The following LMF1 variants were observed in gnomAD, a reference collection of about 807,000 sequenced individuals.
The protein encoded by LMF1 is lipase maturation factor 1, also known as transmembrane protein 112.
LMF1 carries 68 observed loss-of-function variants against 60.6 expected under a neutral mutation model. The observed-to-expected ratio is 1.12, with a 90% CI of 0.92 to 1.37. The LOEUF (loss-of-function observed/expected upper bound fraction) is 1.37, where lower values mean the gene tolerates loss of function less well. LMF1 is among the 40% of genes most tolerant of loss of function. The probability of loss-of-function intolerance (pLI) is 0.00; values close to 1 mark genes in which losing one functional copy is unlikely to be tolerated. For missense variants in LMF1, 948 were observed against 767.2 expected, an observed-to-expected ratio of 1.24 and a Z score of -2.78; for synonymous variants, 418 against 324.7, an observed-to-expected ratio of 1.29 and a Z score of -3.09.
At chr16:954,696 G>A (rs1449349193) in intron 1 of LMF1, 30 bp from the exon 2 acceptor site, 2 of 1,552,976 alleles carry the variant, frequency 1.3e-6, no homozygotes, top group South Asian at 1.2e-5. Context: ...AAACAAGCAT[G>A]ACTAGGAACA....
At chr16:924,453 G>A (rs2071535711) in intron 3 of LMF1, among the ~76,000 whole-genome samples, 1 of 152,106 alleles carries the variant, frequency 6.6e-6, no homozygotes, top group African/African-American at 2.4e-5. Flanking sequence ...GGCCACACTG[G>A]CCACAGTGTA....
intron 5 of LMF1, among the ~76,000 whole-genome samples, chr16:880,095 C>T (rs547176737): frequency 2.0e-5 from 3 of 152,346 alleles, no homozygotes; most frequent in Admixed American, 2.0e-4. Flanking sequence ...CTGCTGCCCA[C>T]AGGCGGCCAA....
chr16:958,471 T>C (rs1030142808), intron 1 of LMF1, among the ~76,000 whole-genome samples: 1 of 152,122 alleles, frequency 6.6e-6, no homozygotes, highest in Admixed American at 6.5e-5. Context: ...CATAGGAAGG[T>C]GTACGGATGG....
intron 1 of LMF1, among the ~76,000 whole-genome samples, chr16:978,505 G>A (rs929223939): frequency 3.3e-5 from 5 of 152,262 alleles, no homozygotes; most frequent in African/African-American, 4.8e-5. Context: ...TCTTCTCTGC[G>A]GCTGTCCTTG....
intron 2 of LMF1, among the ~76,000 whole-genome samples, chr16:949,688 T>G (rs1398785053): frequency 1.1e-5 from 1 of 89,392 alleles, no homozygotes; most frequent in Admixed American, 1.1e-4. Context: ...AATGACAGAG[T>G]CAGAGACAAC....
rs1487191600 is a variant in LMF1 at position 879,644 on chromosome 16, G to C, written c.823C>G (p.Leu275Val). 1.2e-6 allele frequency: 2 copies of C among 1,613,290 alleles called. No homozygotes were observed. Among genetic ancestry groups the C allele is most frequent in the Non-Finnish European group, 1.7e-6 (2 of 1,179,686 alleles). Residue 275 changes from leucine (L) to valine (V), a missense_variant, in exon 6 of 11, where the codon CTC becomes GTC. Transcript: ENST00000262301. ...FETLSNHFIELLVPFFLFLGR... is the reference protein window; with the variant it reads ...FETLSNHFIEVLVPFFLFLGR... ...AGGAAGAGGAAGAAGGGCACCAGGAGCTCGATGAAGTGGTTGCTGAGCGTC... is the reference window on the plus strand; with the variant it reads ...AGGAAGAGGAAGAAGGGCACCAGGACCTCGATGAAGTGGTTGCTGAGCGTC...
intron 3 of LMF1, among the ~76,000 whole-genome samples, chr16:912,659 C>T (rs1173725465): frequency 1.3e-5 from 2 of 152,228 alleles, no homozygotes; most frequent in African/African-American, 4.8e-5. Context: ...ACCCCCTCCA[C>T]CTCGCTCACG....
chr16:867,892 G>A lies in LMF1; in HGVS notation c.1529+1052C>T, dbSNP rs142264263. Among the ~76,000 whole-genome samples the A allele has an allele frequency of 2.7e-3, 416 of 152,248 alleles. 2 individuals carry two copies. The highest frequency in any genetic ancestry group is 9.4e-3 in the African/African-American group (389 of 41,542). The stretch of plus-strand genomic sequence containing the variant: ...CTGCTCCACTGCCTCTGTGGACCTC[G>A]GCGCCCCTCCCATCCCCGCCCTCCG... On this transcript the variant is annotated intron_variant, in intron 10 of 10. Coordinates refer to ENST00000262301, the MANE Select transcript of LMF1 (RefSeq NM_022773.4).
chr16:916,626 G>A (rs1446895046), intron 3 of LMF1, among the ~76,000 whole-genome samples: 1 of 152,186 alleles, frequency 6.6e-6, no homozygotes, highest in East Asian at 1.9e-4. Flanking sequence ...CACCCACATG[G>A]CCCCGGGACA....
chr16:928,492 T>C (rs1025677486), intron 3 of LMF1, among the ~76,000 whole-genome samples: 17 of 152,156 alleles, frequency 1.1e-4, no homozygotes, highest in Admixed American at 1.0e-3. Flanking sequence ...ACCCACTTCC[T>C]ACAAAGGAAT....
chr16:879,799 G>A (rs1439531844), intron 5 of LMF1, 62 bp from the exon 6 acceptor site: 1 of 1,490,040 alleles, frequency 6.7e-7, no homozygotes, highest in Non-Finnish European at 9.1e-7. Flanking sequence ...GCTAGGGAGA[G>A]GCTTGTGGGT....
At chr16:954,190 G>C (rs900558567) in intron 2 of LMF1, 167 bp downstream of exon 2, 4 of 753,536 alleles carry the variant, frequency 5.3e-6, no homozygotes, top group Admixed American at 4.0e-5. Context: ...GGCTGCTGTG[G>C]CTGGTGCACT....
At chr16:930,738 C>T (rs779652760) in intron 3 of LMF1, among the ~76,000 whole-genome samples, 2 of 152,230 alleles carry the variant, frequency 1.3e-5, no homozygotes, top group South Asian at 2.1e-4. Context: ...GGGGAGCCCA[C>T]GCCGAGCCAC....
chr16:918,897 A>ACGTGGG (rs2071354164), intron 3 of LMF1, among the ~76,000 whole-genome samples: 1 of 146,832 alleles, frequency 6.8e-6, no homozygotes, highest in African/African-American at 2.5e-5. Context: ...CCTGACTCTC[A>ACGTGGG]GCCAGTCCTG....
rs2072841879 is a variant in LMF1 at position 962,888 on chromosome 16, C to CGCT, written c.193+7897_193+7899dup. Among the ~76,000 whole-genome samples the CGCT allele has an allele frequency of 6.6e-6, 1 of 152,180 alleles. No homozygotes were observed. Among genetic ancestry groups the CGCT allele is most frequent in the South Asian group, 2.1e-4 (1 of 4,830 alleles). On this transcript the variant is annotated intron_variant, in intron 1 of 10. Transcript: ENST00000262301. The surrounding 1 kb of genome is among the most constrained non-coding windows in gnomAD (Gnocchi z 4.5). ...GCACCACTCAGTGCCCGGCATGAAGCGCTGTGAGCAGCCTCCCTCCAAGGC... is the reference window on the plus strand; with the variant it reads ...GCACCACTCAGTGCCCGGCATGAAGCGCTGCTGTGAGCAGCCTCCCTCCAAGGC...
upstream of LMF1, among the ~76,000 whole-genome samples, chr16:971,242 G>A (rs2073046939): frequency 3.3e-5 from 5 of 152,348 alleles, no homozygotes; most frequent in South Asian, 1.0e-3. Context: ...GTACCTGGGA[G>A]GTGGTGCGCG....
chr16:860,179 T>G (rs1035963018), intron 10 of LMF1, among the ~76,000 whole-genome samples: 2 of 148,922 alleles, frequency 1.3e-5, no homozygotes, highest in Non-Finnish European at 3.0e-5. Flanking sequence ...ATTTTCTGTC[T>G]GTAGCTTAAA....
rs558718096 is a variant in LMF1 at position 875,329 on chromosome 16, G to A, written c.898-3988C>T. On this transcript the variant is annotated intron_variant, in intron 6 of 10. Transcript: ENST00000262301. Reference sequence around the variant, plus strand: ...CCCGCAGCCTGGCCGTCATGCTTGGGAGGGTCCCTGTCTGCCTGCACCAGG... The same window carrying A: ...CCCGCAGCCTGGCCGTCATGCTTGGAAGGGTCCCTGTCTGCCTGCACCAGG... 3.9e-5 allele frequency among the ~76,000 whole-genome samples: 6 copies of A among 152,228 alleles called. No individual in the cohort carries two copies. The South Asian group carries it at 1.2e-3, about 32-fold the overall frequency.
intron 5 of LMF1, among the ~76,000 whole-genome samples, chr16:890,254 T>C (rs1352686269): frequency 6.6e-6 from 1 of 152,182 alleles, no homozygotes; most frequent in Non-Finnish European, 1.5e-5. Flanking sequence ...GAACGCTCGC[T>C]ACTCCAGGTA....
Sources: gnomAD v4.1 joint callset for allele counts (sites outside exome capture counted in the v4.1 genomes callset) on GRCh38, gnomAD v4.1.1 for gene constraint, Gnocchi (gnomAD v3.1) non-coding constraint, MANE v1.5 for transcripts, NCBI Gene and HGNC (gene_info 2026-07-23, HGNC 2026-07-21) for gene names.